APBB2: variants seen among roughly 807,000 people sequenced by gnomAD.
The protein encoded by APBB2 is Fe65-like 1.
In APBB2, 38 loss-of-function variants were observed where a neutral mutation model predicts 82.5. The observed-to-expected ratio is 0.46, with a 90% CI of 0.36 to 0.60. The LOEUF is 0.60. Ranked by LOEUF, APBB2 falls within the 20% of genes least tolerant of loss-of-function variation. The pLI is 0.00. For synonymous variants in APBB2, 341 were observed against 368.2 expected, an observed-to-expected ratio of 0.93 and a Z score of 0.85; for missense variants, 772 against 972.3, an observed-to-expected ratio of 0.79 and a Z score of 2.74.
At chr4:41,000,074 T>TGG in intron 6 of APBB2, among the ~76,000 whole-genome samples, 1 of 95,550 alleles carries the variant, frequency 1.0e-5, no homozygotes, top group Non-Finnish European at 2.1e-5. Context: ...TGTGTATGTG[T>TGG]GTGTGTGTGT....
chr4:40,878,891 C>T (rs1162020730), intron 12 of APBB2, among the ~76,000 whole-genome samples: 1 of 152,112 alleles, frequency 6.6e-6, no homozygotes, highest in African/African-American at 2.4e-5. Flanking sequence ...CTGCCATGAC[C>T]GCGCCTGCAT....
At chr4:41,074,192 T>A (rs1734828915) in intron 3 of APBB2, among the ~76,000 whole-genome samples, 1 of 152,210 alleles carries the variant, frequency 6.6e-6, no homozygotes, top group Admixed American at 6.5e-5. Context: ...AATAAAGTTG[T>A]TATTTTTGCT....
intron 12 of APBB2, among the ~76,000 whole-genome samples, chr4:40,837,152 G>A (rs533432810): frequency 1.3e-5 from 2 of 152,334 alleles, no homozygotes; most frequent in East Asian, 3.9e-4. Flanking sequence ...AAACTGGTGC[G>A]ATCAGCTCAG....
chr4:40,810,939 G>C lies in APBB2; in HGVS notation c.*5153C>G, dbSNP rs1053656854. The C allele has an allele frequency of 1.3e-5, 2 of 152,088 alleles. No individual in the cohort carries two copies. The highest frequency in any genetic ancestry group is 2.9e-5 in the Non-Finnish European group (2 of 68,016). The allele number at this position is 152,088 out of a possible 1,614,324, so 9.4% of individuals were successfully genotyped here. A position where few individuals can be genotyped will look rare whatever the true frequency, so the allele number is the denominator to read the frequency against. On this transcript the variant is annotated 3_prime_UTR_variant, in exon 18 of 18. Coordinates refer to ENST00000508593, the MANE Select transcript of APBB2 (RefSeq NM_004307.2). Reference sequence around the variant, plus strand: ...CCTTTTCGGGCCCTCCACCATACCAGACTGAAAAGTATTCCATTGTCCAGA... The same window carrying C: ...CCTTTTCGGGCCCTCCACCATACCACACTGAAAAGTATTCCATTGTCCAGA...
chr4:40,990,586 C>T (rs759542119), intron 6 of APBB2, among the ~76,000 whole-genome samples: 3 of 152,138 alleles, frequency 2.0e-5, no homozygotes, highest in Admixed American at 6.5e-5. Context: ...CCAAACCTTT[C>T]GCACTTCCAG....
chr4:41,107,633 A>C (rs981705879), intron 2 of APBB2, among the ~76,000 whole-genome samples: 12 of 152,236 alleles, frequency 7.9e-5, no homozygotes, highest in Non-Finnish European at 1.3e-4. Context: ...GTTCTGGCAG[A>C]CCAGCTCAAC....
intron 6 of APBB2, among the ~76,000 whole-genome samples, chr4:41,001,937 G>A (rs1313766818): frequency 2.0e-5 from 3 of 151,860 alleles, no homozygotes; most frequent in Non-Finnish European, 4.4e-5. Flanking sequence ...ATAAGCATCA[G>A]CTCACCTCTT....
intron 10 of APBB2, among the ~76,000 whole-genome samples, chr4:40,895,075 T>C (rs765556180): frequency 2.0e-5 from 3 of 152,094 alleles, no homozygotes; most frequent in Admixed American, 6.6e-5. Flanking sequence ...TACAGCAAAG[T>C]GTCCTGAAGT....
intron 12 of APBB2, among the ~76,000 whole-genome samples, chr4:40,862,248 T>C (rs1367391473): frequency 6.6e-6 from 1 of 152,200 alleles, no homozygotes; most frequent in Non-Finnish European, 1.5e-5. Flanking sequence ...TATTAACTCA[T>C]TATAGAACAA....
In APBB2 at chr4:40,976,494, AAGG is replaced by A. The variant is rs1264899146; in HGVS notation, c.836-31424_836-31422del. On this transcript the variant is annotated intron_variant, in intron 6 of 17. Coordinates refer to ENST00000508593, the MANE Select transcript of APBB2 (RefSeq NM_004307.2). ...CTAAGGTATTCTAAATCTTTTAGTTAAGGGACTGGAGACCTTTCTTTGGGAATC... is the reference window on the plus strand; with the variant it reads ...CTAAGGTATTCTAAATCTTTTAGTTAGACTGGAGACCTTTCTTTGGGAATC... Among the ~76,000 whole-genome samples, 11 of 152,326 alleles carry A rather than the reference AAGG, an allele frequency of 7.2e-5. No individual in the cohort carries two copies. The East Asian group carries it at 2.1e-3, about 29-fold the overall frequency.
intron 12 of APBB2, among the ~76,000 whole-genome samples, chr4:40,838,586 C>T (rs1754802923): frequency 1.3e-5 from 2 of 152,134 alleles, no homozygotes; most frequent in South Asian, 2.1e-4. Flanking sequence ...CCGCCTGCCT[C>T]GGCCTCTCAA....
chr4:41,201,568 G>C (rs1308459448), intron 1 of APBB2, among the ~76,000 whole-genome samples: 1 of 152,172 alleles, frequency 6.6e-6, no homozygotes, highest in Non-Finnish European at 1.5e-5. Flanking sequence ...ATATTTTACA[G>C]ATGGGAAAAG....
intron 10 of APBB2, among the ~76,000 whole-genome samples, chr4:40,895,871 T>G (rs7659680): frequency 0.13 from 19,144 of 152,234 alleles, 1,387 homozygotes; most frequent in Admixed American, 0.21. Context: ...TGTACCCATG[T>G]TATACATGAG....
chr4:40,890,321 G>A, intron 12 of APBB2, 43 bp downstream of exon 12: 1 of 1,589,154 alleles, frequency 6.3e-7, no homozygotes, highest in African/African-American at 1.3e-5. Context: ...CTAGACCAGG[G>A]ACACGGGTGA....
chr4:40,982,204 AAAAGAAAGAAAAGAAAGGAAAGAAAG>A (rs1560444795), intron 6 of APBB2, among the ~76,000 whole-genome samples: 5 of 35,290 alleles, frequency 1.4e-4, no homozygotes, highest in African/African-American at 4.1e-4. Context: ...GGAAAGAAAG[AAAAGAAAGAAAAGAAAGGAAAGAAAG>A]AAAGAAAGAA....
intron 5 of APBB2, among the ~76,000 whole-genome samples, chr4:41,029,486 A>C (rs1715832019): frequency 6.6e-6 from 1 of 152,276 alleles, no homozygotes; most frequent in Admixed American, 6.5e-5. Flanking sequence ...ATACAATCAG[A>C]TCTTACCCAC....
intron 3 of APBB2, among the ~76,000 whole-genome samples, chr4:41,074,044 T>C (rs1041416198): frequency 1.3e-5 from 2 of 152,174 alleles, no homozygotes; most frequent in Admixed American, 1.3e-4. Flanking sequence ...GAGGATTGCT[T>C]GAGCCCAGGA....
At position 40,830,470 on chromosome 4, in the gene APBB2, C is replaced by T; in HGVS notation, c.1637G>A (p.Cys546Tyr). 6.2e-6 allele frequency: 10 copies of T among 1,613,032 alleles called. No homozygotes were observed. Among genetic ancestry groups the T allele is most frequent in the Non-Finnish European group, 8.5e-6 (10 of 1,179,004 alleles). Reference protein sequence around the residue: ...KAIATSLHEICSKIMAERKNA... With the variant: ...KAIATSLHEIYSKIMAERKNA... ...TGCCCTGACCCACCTTACCTTGGAGCAGATCTCGTGGAGACTTGTGGCAAT... is the reference window on the plus strand; with the variant it reads ...TGCCCTGACCCACCTTACCTTGGAGTAGATCTCGTGGAGACTTGTGGCAAT... Residue 546 changes from cysteine to tyrosine, a missense_variant, in exon 13 of 18, where the codon TGC (cysteine) becomes TAC (tyrosine). Coordinates refer to ENST00000508593, the MANE Select transcript of APBB2 (RefSeq NM_004307.2).
At chr4:40,821,431 T>G (rs1173781595) in intron 17 of APBB2, among the ~76,000 whole-genome samples, 3 of 152,162 alleles carry the variant, frequency 2.0e-5, no homozygotes, top group African/African-American at 4.8e-5. Context: ...CCTAACAGAG[T>G]TGTCGGAAGG....
Sources: allele counts gnomAD v4.1 joint callset (sites outside exome capture counted in the v4.1 genomes callset), GRCh38; gene constraint gnomAD v4.1.1; transcripts MANE v1.5; gene names NCBI Gene and HGNC (gene_info 2026-07-23, HGNC 2026-07-21).